Variants in PPARGC1A observed in about 807,000 individuals in gnomAD.
PPARGC1A encodes the protein peroxisome proliferator-activated receptor gamma coactivator 1-alpha.
Under a neutral mutation model 88.7 loss-of-function variants are expected in PPARGC1A, and 25 were observed. The ratio of observed to expected loss-of-function variants is 0.28; its 90% CI spans 0.21 to 0.39. The LOEUF (loss-of-function observed/expected upper bound fraction) is 0.39. Among genes scored for constraint, PPARGC1A ranks in the 10% least tolerant of loss-of-function variants. PPARGC1A has a pLI of 1.00. For synonymous variants in PPARGC1A, 363 were observed against 355.6 expected (o/e 1.02, Z -0.24); for missense variants, 880 against 968.7 (o/e 0.91, Z 1.22).
chr4:24,103,595 C>CAAAAAAAAAA, the PPARGC1A span, among the ~76,000 whole-genome samples: 32 of 121,596 alleles, frequency 2.6e-4, 1 homozygote, highest in African/African-American at 9.2e-4. Context: ...TGCCTTCTTC[C>CAAAAAAAAAA]AAAAAAAAAA....
chr4:23,884,273 C>T (rs1247759716), intron 2 of PPARGC1A: 1 of 154,398 alleles, frequency 6.5e-6, no homozygotes, highest in Non-Finnish European at 1.4e-5. Context: ...AGATATGAAC[C>T]AAAAATATAA....
chr4:24,267,742 C>T, the PPARGC1A span, among the ~76,000 whole-genome samples: 4 of 152,228 alleles, frequency 2.6e-5, no homozygotes, highest in Admixed American at 2.6e-4. Context: ...GAAAACAGGG[C>T]ATCATAAGTT....
the PPARGC1A span, among the ~76,000 whole-genome samples, chr4:24,287,677 T>C: frequency 1.2e-4 from 17 of 143,120 alleles, no homozygotes; most frequent in African/African-American, 4.6e-4. Flanking sequence ...ACTGCACTCA[T>C]CTGGTGCACT....
chr4:23,924,426 G>A, the PPARGC1A span, among the ~76,000 whole-genome samples: 1 of 152,136 alleles, frequency 6.6e-6, no homozygotes, highest in African/African-American at 2.4e-5. Context: ...AAGAGATCGA[G>A]ACCATCCTGG....
the PPARGC1A span, among the ~76,000 whole-genome samples, chr4:23,978,052 T>C: frequency 6.6e-6 from 1 of 152,192 alleles, no homozygotes; most frequent in Non-Finnish European, 1.5e-5. Context: ...CATTCGGATA[T>C]GAGGGCCATA....
the PPARGC1A span, among the ~76,000 whole-genome samples, chr4:24,081,895 G>T: frequency 6.6e-6 from 1 of 151,938 alleles, no homozygotes. Context: ...GTCAGCTCTG[G>T]GTCTATTCAT....
At chr4:23,946,251 G>T in the PPARGC1A span, among the ~76,000 whole-genome samples, 1 of 152,214 alleles carries the variant, frequency 6.6e-6, no homozygotes, top group Non-Finnish European at 1.5e-5. Flanking sequence ...CAACCATGTG[G>T]GCAAATGCTG....
At chr4:24,348,663 G>GT in the PPARGC1A span, among the ~76,000 whole-genome samples, 2 of 151,922 alleles carry the variant, frequency 1.3e-5, no homozygotes, top group Admixed American at 6.6e-5. Context: ...ATTTTTCATT[G>GT]TTTTTTTCTT....
intron 2 of PPARGC1A, among the ~76,000 whole-genome samples, chr4:23,873,494 A>G (rs1455468384): frequency 6.6e-6 from 1 of 152,234 alleles, no homozygotes; most frequent in Non-Finnish European, 1.5e-5. Flanking sequence ...CCTCTGGTGC[A>G]GAAATATCAG....
chr4:24,000,782 A>G, the PPARGC1A span, among the ~76,000 whole-genome samples: 5 of 152,198 alleles, frequency 3.3e-5, no homozygotes, highest in African/African-American at 4.8e-5. Flanking sequence ...TTTCTGTGAT[A>G]TAGAGATAAG....
At chr4:24,263,871 TC>T in the PPARGC1A span, among the ~76,000 whole-genome samples, 1 of 152,092 alleles carries the variant, frequency 6.6e-6, no homozygotes, top group African/African-American at 2.4e-5. Flanking sequence ...CACCTCAGCC[TC>T]CTGAGTAGCT....
the PPARGC1A span, among the ~76,000 whole-genome samples, chr4:23,968,668 A>T: frequency 4.6e-5 from 7 of 152,272 alleles, no homozygotes; most frequent in African/African-American, 1.4e-4. Context: ...TAATCCCAGC[A>T]ATTTGGGAGG....
At chr4:24,392,419 G>A in the PPARGC1A span, among the ~76,000 whole-genome samples, 3 of 152,170 alleles carry the variant, frequency 2.0e-5, no homozygotes, top group Non-Finnish European at 4.4e-5. Flanking sequence ...CCTCATGCCT[G>A]TTGCCCCTCC....
chr4:23,849,142 T>A (rs1728831094), intron 2 of PPARGC1A, among the ~76,000 whole-genome samples: 1 of 152,080 alleles, frequency 6.6e-6, no homozygotes, highest in African/African-American at 2.4e-5. Context: ...AGACTCCGTC[T>A]CAAAGAAAAA....
intron 2 of PPARGC1A, among the ~76,000 whole-genome samples, chr4:23,878,365 A>AG (rs1176253218): frequency 1.3e-5 from 2 of 151,436 alleles, no homozygotes; most frequent in Non-Finnish European, 2.9e-5. Context: ...AAAAAAAAAA[A>AG]GCAGCCAATT....
At chr4:24,454,526 A>C in the PPARGC1A span, among the ~76,000 whole-genome samples, 1 of 151,996 alleles carries the variant, frequency 6.6e-6, no homozygotes, top group Non-Finnish European at 1.5e-5. Flanking sequence ...ACTTGAGCCC[A>C]GGAGTTGCAC....
chr4:24,222,395 C>T, the PPARGC1A span, among the ~76,000 whole-genome samples: 1 of 152,222 alleles, frequency 6.6e-6, no homozygotes, highest in Non-Finnish European at 1.5e-5. Context: ...TCAATTTCCT[C>T]ATCCATCAAT....
chr4:23,994,392 C>T, the PPARGC1A span, among the ~76,000 whole-genome samples: 1 of 152,004 alleles, frequency 6.6e-6, no homozygotes, highest in Non-Finnish European at 1.5e-5. Context: ...GGGGTGAAAG[C>T]CTTCGAGGGG....
the PPARGC1A span, among the ~76,000 whole-genome samples, chr4:23,953,546 T>C: frequency 6.6e-6 from 1 of 152,094 alleles, no homozygotes; most frequent in South Asian, 2.1e-4. Context: ...ATTTGGAGTA[T>C]GCATTAGAGA....
Sources: allele counts gnomAD v4.1 joint callset (sites outside exome capture counted in the v4.1 genomes callset), GRCh38; gene constraint gnomAD v4.1.1; transcripts MANE v1.5; gene names NCBI Gene and HGNC (gene_info 2026-07-23, HGNC 2026-07-21).